NCAPH2: variants seen among roughly 807,000 people sequenced by gnomAD.
NCAPH2 encodes non-SMC condensin II complex subunit H2.
A neutral mutation model predicts 88.6 loss-of-function variants in NCAPH2; 56 were observed. That is an observed-to-expected ratio of 0.63 (90% CI 0.51 to 0.79). NCAPH2 has a LOEUF of 0.79. Ranked by LOEUF, NCAPH2 falls within the 30% of genes least tolerant of loss-of-function variation. The pLI is 0.00. For synonymous variants in NCAPH2, 378 were observed against 313.6 expected, an observed-to-expected ratio of 1.21 and a Z score of -2.17; for missense variants, 794 against 792.0, an observed-to-expected ratio of 1.00 and a Z score of -0.03.
chr22:50,512,513 A>G (rs147970922), intron 1 of NCAPH2, among the ~76,000 whole-genome samples: 1 of 140,036 alleles, frequency 7.1e-6, no homozygotes, highest in East Asian at 2.1e-4. Flanking sequence ...ACACACTACC[A>G]TGATGTTCTT....
chr22:50,515,694 C>CCT (rs1569520313), intron 1 of NCAPH2: 1 of 970,610 alleles, frequency 1.0e-6, no homozygotes, highest in South Asian at 1.5e-5. Flanking sequence ...CCGCACCCGG[C>CCT]CTTTTTTTTT....
intron 1 of NCAPH2, among the ~76,000 whole-genome samples, chr22:50,513,739 A>G (rs1347210152): frequency 1.8e-4 from 27 of 152,090 alleles, no homozygotes; most frequent in African/African-American, 6.5e-4. Context: ...TCCAGCCTGG[A>G]CAACAGAGCG....
chr22:50,515,025 A>G (rs902664728), intron 1 of NCAPH2, among the ~76,000 whole-genome samples: 1 of 152,218 alleles, frequency 6.6e-6, no homozygotes, highest in African/African-American at 2.4e-5. Context: ...GACATTATCT[A>G]TGCATGTGTT....
chr22:50,516,981 C>T (rs1366316682), intron 2 of NCAPH2, among the ~76,000 whole-genome samples: 3 of 152,206 alleles, frequency 2.0e-5, no homozygotes, highest in Non-Finnish European at 4.4e-5. Flanking sequence ...CCCGTGGCGG[C>T]AGGAGCTGGG....
chr22:50,518,042 C>T lies in NCAPH2; in HGVS notation c.490C>T (p.Pro164Ser). 6.2e-7 allele frequency: 1 copy of T among 1,614,052 alleles called. No individual in the cohort carries two copies. The highest frequency in any genetic ancestry group is 8.5e-7 in the Non-Finnish European group (1 of 1,179,980). Residue 164 changes from proline to serine, a missense_variant, in exon 6 of 20, where the codon CCC becomes TCC. Transcript: ENST00000420993. Reference protein sequence around the residue: ...APDEMEKNNNPLYSRQGEVLA... With the variant: ...APDEMEKNNNSLYSRQGEVLA... ...TGATGAAATGGAGAAGAACAACAAT[C>T]CCCTGTACAGGTAGGGATCTGAGCC... is the stretch of plus-strand genomic sequence containing the variant.
At position 50,524,054 on chromosome 22, in the gene NCAPH2, G is replaced by T. The variant is rs375954523; in HGVS notation, c.*679G>T. 5 of 1,613,390 alleles carry T rather than the reference G, an allele frequency of 3.1e-6. No individual in the cohort carries two copies. The highest frequency in any genetic ancestry group is 8.5e-7 in the Non-Finnish European group (1 of 1,180,028). The stretch of plus-strand genomic sequence containing the variant: ...AAGTACATCAGCACCCACTGGCCCC[G>T]GAAGTCAGCCTTGCAGCGAGCCCGG... On this transcript the variant is annotated 3_prime_UTR_variant, in exon 20 of 20. Transcript: ENST00000420993.
At chr22:50,514,099 T>G (rs1209648781) in intron 1 of NCAPH2, among the ~76,000 whole-genome samples, 2 of 151,672 alleles carry the variant, frequency 1.3e-5, no homozygotes, top group African/African-American at 2.4e-5. Flanking sequence ...AGAGTGAGAC[T>G]CCGTCTCAAA....
chr22:50,524,053 C>CG lies in NCAPH2; in HGVS notation c.*680dup, dbSNP rs763990034. On this transcript the variant is annotated 3_prime_UTR_variant, in exon 20 of 20. Coordinates refer to ENST00000420993, the MANE Select transcript of NCAPH2 (RefSeq NM_152299.4). ...AAAGTACATCAGCACCCACTGGCCC[C>CG]GGAAGTCAGCCTTGCAGCGAGCCCG... The CG allele has an allele frequency of 6.2e-7, 1 of 1,613,296 alleles. No individual in the cohort carries two copies. The highest frequency in any genetic ancestry group is 1.3e-5 in the African/African-American group (1 of 74,924).
At chr22:50,508,986 C>T (rs1416489974) in intron 1 of NCAPH2, among the ~76,000 whole-genome samples, 4 of 152,218 alleles carry the variant, frequency 2.6e-5, no homozygotes, top group African/African-American at 7.2e-5. Flanking sequence ...CTGGCGTCCA[C>T]GACACTTAAA....
chr22:50,516,425 G>A, intron 1 of NCAPH2, 22 bp from the exon 2 acceptor site: 1 of 1,612,854 alleles, frequency 6.2e-7, no homozygotes, highest in Non-Finnish European at 8.5e-7. Flanking sequence ...GATTCCCCCT[G>A]TCTTTGTGTT....
intron 1 of NCAPH2, 109 bp from the exon 2 acceptor site, chr22:50,516,338 C>T (rs368872736): frequency 3.2e-6 from 3 of 928,720 alleles, no homozygotes; most frequent in African/African-American, 1.6e-5. Context: ...CTAGAGCTGC[C>T]CGTCTCGGGA....
intron 1 of NCAPH2, chr22:50,515,680 G>T: frequency 7.9e-7 from 1 of 1,265,304 alleles, no homozygotes; most frequent in Non-Finnish European, 1.0e-6. Flanking sequence ...ACAGGTGTGA[G>T]CCACCGCACC....
chr22:50,521,726 CCT>C lies in NCAPH2; in HGVS notation c.1001-14_1001-13del, dbSNP rs1216239179. The C allele has an allele frequency of 6.2e-7, 1 of 1,613,662 alleles. No individual in the cohort carries two copies. Among genetic ancestry groups the C allele is most frequent in the Non-Finnish European group, 8.5e-7 (1 of 1,179,836 alleles). On this transcript the variant is annotated splice_polypyrimidine_tract_variant and intron_variant, in intron 11 of 19. Transcript: ENST00000420993. ...ATCCCCCAGCGGCTCTAAGACAGTCCCTGTTTGCCCCCAGGTAGGCCTTACTC... is the reference window on the plus strand; with the variant it reads ...ATCCCCCAGCGGCTCTAAGACAGTCCGTTTGCCCCCAGGTAGGCCTTACTC...
At position 50,522,536 on chromosome 22, in the gene NCAPH2, G is replaced by A. The variant is rs191377365; in HGVS notation, c.1342G>A (p.Glu448Lys). The A allele has an allele frequency of 3.7e-6, 6 of 1,613,806 alleles. No individual in the cohort carries two copies. Among genetic ancestry groups the A allele is most frequent in the South Asian group, 2.2e-5 (2 of 91,074 alleles). Residue 448 changes from glutamate (E) to lysine (K), a missense_variant, in exon 16 of 20, where the codon GAG (glutamate) becomes AAG (lysine). This residue lies in a region of NCAPH2 where 735 missense variants were observed against 696.3 expected (regional missense o/e 1.06). Transcript: ENST00000420993. ...AGAGCCTGAGGAGTACATGGAGCCCGAGGGAGCAGACCCCAGGGAAGCCGC... is the reference window on the plus strand; with the variant it reads ...AGAGCCTGAGGAGTACATGGAGCCCAAGGGAGCAGACCCCAGGGAAGCCGC... Reference protein sequence around the residue: ...FLEPEEYMEPEGADPREAADL... With the variant: ...FLEPEEYMEPKGADPREAADL...
Position 50,517,438 on chromosome 22 carries a change from C to T in NCAPH2, c.222C>T (p.Leu74=). ...CATCTGGTCACCAGGTGGAATACCT[C>T]TACTCACTCGTCTACCAGGCCCTTG... is the stretch of plus-strand genomic sequence containing the variant. ...ACVYSKKVEY[L]YSLVYQALDF... Residue 74 remains leucine, a synonymous_variant, in exon 3 of 20, where the codon CTC becomes CTT. Coordinates refer to ENST00000420993, the MANE Select transcript of NCAPH2 (RefSeq NM_152299.4). 1 of 1,614,080 alleles carries T rather than the reference C, an allele frequency of 6.2e-7. No individual in the cohort carries two copies. Among genetic ancestry groups the T allele is most frequent in the Non-Finnish European group, 8.5e-7 (1 of 1,180,034 alleles).
chr22:50,517,533 C>T (rs985430239), intron 3 of NCAPH2, 44 bp from the exon 4 acceptor site: 14 of 1,613,994 alleles, frequency 8.7e-6, no homozygotes, highest in Non-Finnish European at 1.1e-5. Flanking sequence ...CCAGGGAGGC[C>T]CCTGCAGCTC....
At position 50,519,222 on chromosome 22, in the gene NCAPH2, G is replaced by T. The variant is rs149071133; in HGVS notation, c.763G>T (p.Gly255Trp). ...TCCAGAAGGCCCGATGCCCCTGGGT[G>T]GGGGCGAGGACGAGGATGCAGAGGA... ...PSPEGPMPLGGGEDEDAEEAV... is the reference protein window; with the variant it reads ...PSPEGPMPLGWGEDEDAEEAV... Residue 255 changes from glycine to tryptophan, a missense_variant, in exon 9 of 20, where the codon GGG (glycine) becomes TGG (tryptophan). Physicochemically the swap from Gly to Trp is radical, Grantham distance 184 (BLOSUM62 -2). Coordinates refer to ENST00000420993, the MANE Select transcript of NCAPH2 (RefSeq NM_152299.4). The T allele has an allele frequency of 3.1e-6, 5 of 1,610,646 alleles. No homozygotes were observed. The highest frequency in any genetic ancestry group is 1.1e-5 in the South Asian group (1 of 90,424).
rs41282349 is a variant in NCAPH2, at chr22:50,523,533, C to G, written c.*158C>G. 19 of 1,573,528 alleles carry G rather than the reference C, an allele frequency of 1.2e-5. No individual in the cohort carries two copies. Among genetic ancestry groups the G allele is most frequent in the Non-Finnish European group, 1.6e-5 (19 of 1,156,618 alleles). On this transcript the variant is annotated 3_prime_UTR_variant, in exon 20 of 20. Coordinates refer to ENST00000420993, the MANE Select transcript of NCAPH2 (RefSeq NM_152299.4). Reference sequence around the variant, plus strand: ...CAGAGAAGAGGGCTGCCTGGCCTCCCTGGGCCGCTGGTACAGATCACACAC... The same window carrying G: ...CAGAGAAGAGGGCTGCCTGGCCTCCGTGGGCCGCTGGTACAGATCACACAC...
Position 50,518,256 on chromosome 22 carries a change from C to T in NCAPH2, c.624C>T (p.Ser208=), listed in dbSNP as rs1284455287. The T allele has an allele frequency of 6.2e-7, 1 of 1,613,514 alleles. No homozygotes were observed. Among genetic ancestry groups the T allele is most frequent in the Admixed American group, 1.7e-5 (1 of 60,010 alleles). The change falls in exon 7 of 20, where the codon TCC becomes TCT. Residue 208 remains serine (S), a synonymous_variant. Coordinates refer to ENST00000420993, the MANE Select transcript of NCAPH2 (RefSeq NM_152299.4). ...CCCCCATGGAACCAGCGGGCGTTTC[C>T]CCCATGCCAGGGACCCAGAAGGGTG... ...GMSPMEPAGV[S]PMPGTQKDTG...
Sources: allele counts gnomAD v4.1 joint callset (sites outside exome capture counted in the v4.1 genomes callset), GRCh38; gene constraint gnomAD v4.1.1; regional missense constraint gnomAD v4.1.1; transcripts MANE v1.5; gene names NCBI Gene and HGNC (gene_info 2026-07-23, HGNC 2026-07-21).